AGBL4: variants seen among roughly 807,000 people sequenced by gnomAD.
AGBL4 encodes the protein AGBL carboxypeptidase 4, also known as cytosolic carboxypeptidase 6.
Under a neutral mutation model 66.4 loss-of-function variants are expected in AGBL4, and 58 were observed. The ratio of observed to expected loss-of-function variants is 0.87; its 90% CI spans 0.71 to 1.09. The LOEUF is 1.09. Among genes scored for constraint, AGBL4 ranks in the 50% least tolerant of loss-of-function variants. The probability of loss-of-function intolerance (pLI) is 0.00; values close to 1 mark genes in which losing one functional copy is unlikely to be tolerated. For synonymous variants in AGBL4, 234 were observed against 222.9 expected (o/e 1.05, Z -0.44); for missense variants, 579 against 631.0 (o/e 0.92, Z 0.88).
intron 3 of AGBL4, among the ~76,000 whole-genome samples, chr1:49,697,083 G>A (rs1434721865): frequency 6.6e-6 from 1 of 152,022 alleles, no homozygotes; most frequent in African/African-American, 2.4e-5. Flanking sequence ...CAATCAGTAA[G>A]GAACACTTTA....
At chr1:48,890,685 G>T (rs532069989) in intron 5 of AGBL4, among the ~76,000 whole-genome samples, 4 of 152,252 alleles carry the variant, frequency 2.6e-5, no homozygotes, top group East Asian at 1.9e-4. Context: ...AGATGCTGGG[G>T]GTTATTTCCC....
At chr1:49,256,935 T>A (rs1652556538) in intron 3 of AGBL4, among the ~76,000 whole-genome samples, 1 of 152,000 alleles carries the variant, frequency 6.6e-6, no homozygotes. Context: ...CCAAGCTGGG[T>A]CTCTACCTAG....
intron 5 of AGBL4, among the ~76,000 whole-genome samples, chr1:48,990,989 A>G (rs997801230): frequency 1.3e-5 from 2 of 152,102 alleles, no homozygotes; most frequent in African/African-American, 2.4e-5. Flanking sequence ...TACTTAAGAT[A>G]TGAGTAGTTT....
intron 6 of AGBL4, among the ~76,000 whole-genome samples, chr1:48,756,467 G>C (rs1252688803): frequency 6.6e-6 from 1 of 152,172 alleles, no homozygotes; most frequent in Non-Finnish European, 1.5e-5. Flanking sequence ...CAAATATACT[G>C]AATTCTTACA....
intron 3 of AGBL4, among the ~76,000 whole-genome samples, chr1:49,302,611 T>A (rs1386664784): frequency 1.6e-5 from 1 of 62,170 alleles, no homozygotes; most frequent in Non-Finnish European, 2.7e-5. Context: ...TTTTATTTTT[T>A]TATTTTATTT....
At chr1:49,342,112 G>A (rs1645551808) in intron 3 of AGBL4, among the ~76,000 whole-genome samples, 1 of 152,084 alleles carries the variant, frequency 6.6e-6, no homozygotes, top group Non-Finnish European at 1.5e-5. Flanking sequence ...GTTGGTTTGT[G>A]TTCAAGTCCC....
At chr1:48,739,047 G>C (rs1649503919) in intron 6 of AGBL4, among the ~76,000 whole-genome samples, 1 of 152,134 alleles carries the variant, frequency 6.6e-6, no homozygotes, top group Non-Finnish European at 1.5e-5. Flanking sequence ...CTGCCACCAC[G>C]GTGGTACTGA....
At chr1:48,616,015 G>A (rs1645312123) in intron 9 of AGBL4, among the ~76,000 whole-genome samples, 2 of 152,278 alleles carry the variant, frequency 1.3e-5, no homozygotes, top group African/African-American at 4.8e-5. Flanking sequence ...CCCCATCCAT[G>A]AGGGAGGGGC....
chr1:49,150,441 C>A (rs867497825), intron 4 of AGBL4, among the ~76,000 whole-genome samples: 1 of 151,896 alleles, frequency 6.6e-6, no homozygotes, highest in Non-Finnish European at 1.5e-5. Flanking sequence ...ATGGAAAATG[C>A]ATAGAAAAAA....
intron 4 of AGBL4, among the ~76,000 whole-genome samples, chr1:49,096,357 A>G (rs1357539319): frequency 6.6e-6 from 1 of 152,164 alleles, no homozygotes; most frequent in Admixed American, 6.6e-5. Flanking sequence ...CCAAAGGATT[A>G]TAAATCATGC....
At chr1:48,996,558 G>A (rs1203101672) in intron 5 of AGBL4, among the ~76,000 whole-genome samples, 9 of 152,196 alleles carry the variant, frequency 5.9e-5, no homozygotes, top group Non-Finnish European at 1.5e-5. Flanking sequence ...TGTGTGAAGT[G>A]CTGCTATGAG....
intron 4 of AGBL4, among the ~76,000 whole-genome samples, chr1:49,072,883 CA>C (rs1394735882): frequency 6.6e-6 from 1 of 152,210 alleles, no homozygotes; most frequent in Non-Finnish European, 1.5e-5. Context: ...GTTCACCAAT[CA>C]AACGTAGATT....
At chr1:49,824,785 G>T (rs1197464502) in intron 2 of AGBL4, among the ~76,000 whole-genome samples, 1 of 152,188 alleles carries the variant, frequency 6.6e-6, no homozygotes, top group Admixed American at 6.5e-5. Flanking sequence ...AGGCAAAGAG[G>T]GCTAAGAAAA....
At chr1:48,610,373 A>T (rs1312522703) in intron 9 of AGBL4, among the ~76,000 whole-genome samples, 1 of 152,144 alleles carries the variant, frequency 6.6e-6, no homozygotes, top group Non-Finnish European at 1.5e-5. Flanking sequence ...TGCATTTTTC[A>T]GGCACTAGAC....
intron 1 of AGBL4, among the ~76,000 whole-genome samples, chr1:49,978,750 G>A (rs926927586): frequency 6.6e-6 from 1 of 152,072 alleles, no homozygotes; most frequent in Non-Finnish European, 1.5e-5. Flanking sequence ...ATATGCATGG[G>A]TAAAGGAATA....
intron 1 of AGBL4, among the ~76,000 whole-genome samples, chr1:49,929,298 A>C (rs1653098888): frequency 6.6e-6 from 1 of 152,166 alleles, no homozygotes; most frequent in African/African-American, 2.4e-5. Flanking sequence ...CATGTACCCC[A>C]AGAATAAAAA....
chr1:48,880,847 G>A (rs1456642635), intron 5 of AGBL4, among the ~76,000 whole-genome samples: 1 of 152,076 alleles, frequency 6.6e-6, no homozygotes, highest in Non-Finnish European at 1.5e-5. Context: ...ATATGATGTT[G>A]TGACTTGGTG....
At chr1:49,350,449 C>T (rs561839622) in intron 3 of AGBL4, among the ~76,000 whole-genome samples, 2 of 151,954 alleles carry the variant, frequency 1.3e-5, no homozygotes, top group East Asian at 1.9e-4. Context: ...GTGATCCGCC[C>T]GCCTCGGCCT....
chr1:49,436,175 A>G (rs919673167), intron 3 of AGBL4, among the ~76,000 whole-genome samples: 2 of 152,212 alleles, frequency 1.3e-5, no homozygotes, highest in African/African-American at 4.8e-5. Context: ...ACAGTGAGGT[A>G]TCAGAAGATG....
Sources: allele counts gnomAD v4.1 joint callset (sites outside exome capture counted in the v4.1 genomes callset), GRCh38; gene constraint gnomAD v4.1.1; transcripts MANE v1.5; gene names NCBI Gene and HGNC (gene_info 2026-07-23, HGNC 2026-07-21).